The following LIM2 variants were observed in gnomAD, a reference collection of about 807,000 sequenced individuals.
The protein encoded by LIM2 is lens intrinsic membrane protein 2.
In LIM2, 14 loss-of-function variants were observed where a neutral mutation model predicts 19.0. That is an observed-to-expected ratio of 0.74 (90% confidence interval 0.49 to 1.15). LIM2 has a LOEUF of 1.15. LIM2 is among the 50% of genes most tolerant of loss of function. LIM2 has a pLI of 0.00. For missense variants in LIM2, 230 were observed against 243.5 expected, an observed-to-expected ratio of 0.94 and a Z score of 0.37; for synonymous variants, 78 against 89.6, an observed-to-expected ratio of 0.87 and a Z score of 0.73.
chr19:51,385,175 G>A lies in LIM2; in HGVS notation c.175+2094C>T, dbSNP rs1003176902. 5.9e-5 allele frequency among the ~76,000 whole-genome samples: 9 copies of A among 152,112 alleles called. No homozygotes were observed. The East Asian group carries it at 1.7e-3, about 30-fold the overall frequency. ...CACGTCCATCTGAAGCCGGGAGTTT[G>A]AAACAAGCCTGGGCAATACAGTGAG... On this transcript the variant is annotated intron_variant, in intron 2 of 4. Transcript: ENST00000596399.
chr19:51,383,363 C>T (rs1195533123), intron 2 of LIM2, among the ~76,000 whole-genome samples: 2 of 152,012 alleles, frequency 1.3e-5, no homozygotes, highest in Non-Finnish European at 2.9e-5. Flanking sequence ...ATACTACTTG[C>T]TTATATCTGA....
chr19:51,381,820 A>G (rs1986899411), intron 3 of LIM2, among the ~76,000 whole-genome samples: 1 of 151,898 alleles, frequency 6.6e-6, no homozygotes, highest in African/African-American at 2.4e-5. Context: ...CCGCCTCCTG[A>G]GTTCATGCCA....
chr19:51,380,466 G>T (rs759948049), intron 4 of LIM2, 39 bp downstream of exon 4: 17 of 1,613,006 alleles, frequency 1.1e-5, no homozygotes, highest in Non-Finnish European at 1.4e-5. Context: ...TGCCCACTCT[G>T]CCCCAGGCAC....
At chr19:51,381,811 C>T (rs564718913) in intron 3 of LIM2, among the ~76,000 whole-genome samples, 4 of 152,274 alleles carry the variant, frequency 2.6e-5, no homozygotes, top group South Asian at 2.1e-4. Flanking sequence ...CTGCAAGCTC[C>T]GCCTCCTGAG....
Position 51,380,243 on chromosome 19 carries a change from G to C in LIM2, c.480C>G (p.Ala160=). The C allele has an allele frequency of 6.2e-7, 1 of 1,613,646 alleles. No homozygotes were observed. The highest frequency in any genetic ancestry group is 8.5e-7 in the Non-Finnish European group (1 of 1,179,874). ...GGCGCCGGCATTCATGCACCCGGTA[G>C]GCGCACATGTAGAAAATCCCTGCAT... is the stretch of plus-strand genomic sequence containing the variant. ...TFFAGIFYMC[A]YRVHECRRLS... Residue 160 remains alanine (A), a synonymous_variant, in exon 5 of 5, where the codon GCC becomes GCG. Coordinates refer to ENST00000596399, the MANE Select transcript of LIM2 (RefSeq NM_001161748.2).
At position 51,387,461 on chromosome 19, in the gene LIM2, G is replaced by A. The variant is rs1987102402; in HGVS notation, c.-6-12C>T. The A allele has an allele frequency of 1.2e-6, 2 of 1,612,982 alleles. No homozygotes were observed. Among genetic ancestry groups the A allele is most frequent in the Middle Eastern group, 1.9e-4 (1 of 5,330 alleles). ...CTGTACATGGTGATCTGTGGGGAAG[G>A]GGAGAGATGGGATTGGGAGCTGAAT... On this transcript the variant is annotated splice_polypyrimidine_tract_variant and intron_variant, in intron 1 of 4. Coordinates refer to ENST00000596399, the MANE Select transcript of LIM2 (RefSeq NM_001161748.2).
In LIM2 at chr19:51,387,447, G is replaced by T; in HGVS notation, c.-4C>A. 6.2e-7 allele frequency: 1 copy of T among 1,613,580 alleles called. No individual in the cohort carries two copies. The highest frequency in any genetic ancestry group is 8.5e-7 in the Non-Finnish European group (1 of 1,179,982). On this transcript the variant is annotated splice_region_variant and 5_prime_UTR_variant, in exon 2 of 5. Transcript: ENST00000596399. The stretch of plus-strand genomic sequence containing the variant: ...CACCACCCATGAAGCTGTACATGGT[G>T]ATCTGTGGGGAAGGGGAGAGATGGG...
In LIM2 at chr19:51,380,187, G is replaced by A. The variant is rs990301254; in HGVS notation, c.*14C>T. On this transcript the variant is annotated 3_prime_UTR_variant, in exon 5 of 5. Transcript: ENST00000596399. ...ACTTTAACTTCCAGATGAAGTTGGG[G>A]GACACATTTGGGCTCAGCGGGGTGT... is the stretch of plus-strand genomic sequence containing the variant. 6 of 1,612,768 alleles carry A rather than the reference G, an allele frequency of 3.7e-6. No homozygotes were observed. Among genetic ancestry groups the A allele is most frequent in the African/African-American group, 1.3e-5 (1 of 74,836 alleles).
At chr19:51,381,179 G>A (rs1986883993) in intron 3 of LIM2, among the ~76,000 whole-genome samples, 1 of 152,052 alleles carries the variant, frequency 6.6e-6, no homozygotes, top group African/African-American at 2.4e-5. Context: ...TTAGCTGGGT[G>A]TGGTGGTGGG....
At chr19:51,385,595 C>A (rs887672766) in intron 2 of LIM2, among the ~76,000 whole-genome samples, 1 of 152,160 alleles carries the variant, frequency 6.6e-6, no homozygotes, top group Non-Finnish European at 1.5e-5. Context: ...CTGTCTCCTG[C>A]ATCCCTGGCA....
intron 2 of LIM2, among the ~76,000 whole-genome samples, chr19:51,384,944 C>G (rs1043680797): frequency 2.6e-5 from 4 of 152,114 alleles, no homozygotes; most frequent in Non-Finnish European, 5.9e-5. Context: ...CTCACTGCAG[C>G]CTTAAACTTC....
At chr19:51,386,466 A>T (rs1599863795) in intron 2 of LIM2, among the ~76,000 whole-genome samples, 2 of 133,354 alleles carry the variant, frequency 1.5e-5, no homozygotes, top group Non-Finnish European at 3.0e-5. Context: ...AATATAATAT[A>T]CTCTACATTA....
At chr19:51,382,619 G>C (rs1263365163) in intron 2 of LIM2, 52 bp from the exon 3 acceptor site, 1 of 1,609,440 alleles carries the variant, frequency 6.2e-7, no homozygotes, top group Non-Finnish European at 8.5e-7. Context: ...CTAAGTGAGA[G>C]ATGCTGCTAC....
At position 51,380,631 on chromosome 19, in the gene LIM2, C is replaced by G; in HGVS notation, c.334G>C (p.Val112Leu). ...GIMFFSSTLFVVLALAIYTGV... is the reference protein window; with the variant it reads ...GIMFFSSTLFLVLALAIYTGV... ...GTGTAGATGGCCAAGGCCAACACGA[C>G]GAAAAGGGCTGGGGAGAGAGGGCGG... The change falls in exon 4 of 5, where the codon GTC becomes CTC. Residue 112 changes from valine (V) to leucine (L), a missense_variant. By Grantham distance (32) the Val-to-Leu change is conservative. Coordinates refer to ENST00000596399, the MANE Select transcript of LIM2 (RefSeq NM_001161748.2). 1 of 1,613,830 alleles carries G rather than the reference C, an allele frequency of 6.2e-7. No homozygotes were observed. Among genetic ancestry groups the G allele is most frequent in the Non-Finnish European group, 8.5e-7 (1 of 1,179,990 alleles).
chr19:51,380,371 C>T (rs1861448878), intron 4 of LIM2, 109 bp from the exon 5 acceptor site: 2 of 1,569,890 alleles, frequency 1.3e-6, no homozygotes. Context: ...TCCCCGACCC[C>T]AGACTCCATA....
rs1333879677 is a variant in LIM2 at position 51,379,916 on chromosome 19, A to AC, written c.*284dup. On this transcript the variant is annotated 3_prime_UTR_variant, in exon 5 of 5. Coordinates refer to ENST00000596399, the MANE Select transcript of LIM2 (RefSeq NM_001161748.2). The stretch of plus-strand genomic sequence containing the variant: ...CAAGTATTAACACTTTAGTAGTTTC[A>AC]CATCAGTTTTATTAGGCCCCAGAAA... 1.8e-6 allele frequency: 1 copy of AC among 554,180 alleles called. No individual in the cohort carries two copies. The highest frequency in any genetic ancestry group is 3.2e-6 in the Non-Finnish European group (1 of 308,884). 34.3% of individuals were successfully genotyped at this position (554,180 alleles called of 1,614,324 possible).
intron 2 of LIM2, among the ~76,000 whole-genome samples, chr19:51,385,809 C>T (rs558351219): frequency 6.8e-4 from 103 of 152,352 alleles, no homozygotes; most frequent in African/African-American, 2.5e-3. Flanking sequence ...AAACAGGCAT[C>T]GTCCTGCCTC....
In LIM2 at chr19:51,380,452, C is replaced by G. The variant is rs545788368; in HGVS notation, c.460+53G>C. On this transcript the variant is annotated intron_variant, in intron 4 of 4. Transcript: ENST00000596399. ...GACACCCTGTCATCTTCCACTCTAT[C>G]TGCTGCCCACTCTGCCCCAGGCACT... is the stretch of plus-strand genomic sequence containing the variant. 4 of 1,612,818 alleles carry G rather than the reference C, an allele frequency of 2.5e-6. No homozygotes were observed. The African/African-American group carries it at 5.3e-5, about 22-fold the overall frequency.
intron 2 of LIM2, among the ~76,000 whole-genome samples, chr19:51,384,877 T>C (rs1435732119): frequency 6.6e-6 from 1 of 151,970 alleles, no homozygotes; most frequent in Non-Finnish European, 1.5e-5. Context: ...TATTATTATT[T>C]TTTGAGACAG....
Sources: gnomAD v4.1 joint callset for allele counts (sites outside exome capture counted in the v4.1 genomes callset) on GRCh38, gnomAD v4.1.1 for gene constraint, MANE v1.5 for transcripts, NCBI Gene and HGNC (gene_info 2026-07-23, HGNC 2026-07-21) for gene names.